The following MRM2 variants were observed in gnomAD, a reference collection of about 807,000 sequenced individuals.
MRM2 encodes the protein rRNA methyltransferase 2, mitochondrial.
A neutral mutation model predicts 10.9 loss-of-function variants in MRM2; 15 were observed. That is an observed-to-expected ratio of 1.37 (90% CI 0.92 to 2.11). The LOEUF is 2.11. MRM2 is among the 30% of genes most tolerant of loss of function. The pLI, the probability that MRM2 is intolerant of heterozygous loss-of-function variation, is 0.00. For synonymous variants in MRM2, 139 were observed against 128.7 expected, an observed-to-expected ratio of 1.08 and a Z score of -0.54; for missense variants, 328 against 321.3, an observed-to-expected ratio of 1.02 and a Z score of -0.16.
intron 2 of MRM2, 57 bp downstream of exon 2, chr7:2,239,361 C>A: frequency 1.3e-6 from 2 of 1,534,772 alleles, no homozygotes; most frequent in Non-Finnish European, 1.8e-6. Flanking sequence ...GCAGCTTGCC[C>A]ATGCCCACTC....
At chr7:2,241,914 A>T (rs749046647) in intron 1 of MRM2, 139 of 456,488 alleles carry the variant, frequency 3.0e-4, no homozygotes, top group Non-Finnish European at 1.4e-4. Flanking sequence ...TGCGCCCCCC[A>T]CCTGGACTCC....
Position 2,235,454 on chromosome 7 carries a change from G to C in MRM2, c.409C>G (p.Gln137Glu). 6.2e-7 allele frequency: 1 copy of C among 1,614,000 alleles called. No individual in the cohort carries two copies. The highest frequency in any genetic ancestry group is 8.5e-7 in the Non-Finnish European group (1 of 1,179,960). ...CCAGGAAGCACCTCGAGGATTCTCT[G>C]TGAGGTTCTCGGGTCAGTCACGTCA... is the stretch of plus-strand genomic sequence containing the variant. ...PADVTDPRTS[Q>E]RILEVLPGRR... Residue 137 changes from glutamine to glutamate, a missense_variant, in exon 3 of 3, where the codon CAG becomes GAG. Physicochemically the swap from Gln to Glu is conservative, Grantham distance 29 (BLOSUM62 2). Transcript: ENST00000242257.
chr7:2,239,586 C>G lies in MRM2; in HGVS notation c.130G>C (p.Val44Leu), dbSNP rs776716401. ...WLTRHLRDPF[V>L]KAAKVESYRC... ...TAACTCTCCACCTTCGCAGCCTTCA[C>G]AAATGGGTCCCTGAGATGTCGGGTC... Residue 44 changes from valine (V) to leucine (L), a missense_variant, in exon 2 of 3, where the codon GTG becomes CTG. Val to Leu is a conservative substitution (Grantham distance 32, BLOSUM62 1). Transcript: ENST00000242257. 1 of 1,614,138 alleles carries G rather than the reference C, an allele frequency of 6.2e-7. No individual in the cohort carries two copies. Among genetic ancestry groups the G allele is most frequent in the Non-Finnish European group, 8.5e-7 (1 of 1,180,042 alleles).
At chr7:2,239,042 A>C in intron 2 of MRM2, 4 of 477,338 alleles carry the variant, frequency 8.4e-6, no homozygotes, top group Non-Finnish European at 1.6e-5. Context: ...ACATATATGT[A>C]TGTATCATTA....
rs985505736 is a variant in MRM2 at position 2,237,338 on chromosome 7, T to C, written c.299-1774A>G. Among the ~76,000 whole-genome samples, 10 of 152,208 alleles carry C rather than the reference T, an allele frequency of 6.6e-5. No homozygotes were observed. In the South Asian group the frequency reaches 1.7e-3, roughly 25 times the overall value. ...TGCTCCTGAGCTTTCACTCCTATAA[T>C]ATCCAGTATGTTACAACCTTCGGAA... is the stretch of plus-strand genomic sequence containing the variant. On this transcript the variant is annotated intron_variant, in intron 2 of 2. Coordinates refer to ENST00000242257, the MANE Select transcript of MRM2 (RefSeq NM_013393.3).
rs765231837 is a variant in MRM2 at position 2,239,540 on chromosome 7, T to C, written c.176A>G (p.Lys59Arg). 7.4e-6 allele frequency: 12 copies of C among 1,614,048 alleles called. No individual in the cohort carries two copies. The highest frequency in any genetic ancestry group is 1.1e-5 in the South Asian group (1 of 91,086). Residue 59 changes from lysine to arginine, a missense_variant, in exon 2 of 3, where the codon AAG (lysine) becomes AGG (arginine). Physicochemically the swap from Lys to Arg is conservative, Grantham distance 26. Coordinates refer to ENST00000242257, the MANE Select transcript of MRM2 (RefSeq NM_013393.3). ...GTGCCTCTCGTTCACCTCCAGGAGC[T>C]TGAAGGCGCTTCGACACCGGTAACT... The part of the protein sequence containing the change: ...VESYRCRSAF[K>R]LLEVNERHQI...
In MRM2 at chr7:2,242,148, A is replaced by T; in HGVS notation, c.8+14T>A. ...TCCCGCTGTCTGCACGCGCAGCAGC[A>T]GCGCCCAGCTCACCCCGCCATTGGT... On this transcript the variant is annotated intron_variant, in intron 1 of 2. Coordinates refer to ENST00000242257, the MANE Select transcript of MRM2 (RefSeq NM_013393.3). 6.3e-7 allele frequency: 1 copy of T among 1,583,058 alleles called. No homozygotes were observed. The highest frequency in any genetic ancestry group is 8.6e-7 in the Non-Finnish European group (1 of 1,168,672).
In MRM2 at chr7:2,239,184, C is replaced by A. The variant is rs775069073; in HGVS notation, c.298+234G>T. ...ACCACCATGCTGGTGCTGGTACCTGCGGGCGGTCTCATGCGAGGTGATTTC... is the reference window on the plus strand; with the variant it reads ...ACCACCATGCTGGTGCTGGTACCTGAGGGCGGTCTCATGCGAGGTGATTTC... On this transcript the variant is annotated intron_variant, in intron 2 of 2. Transcript: ENST00000242257. 3 of 780,144 alleles carry A rather than the reference C, an allele frequency of 3.8e-6. No homozygotes were observed. The African/African-American group carries it at 5.1e-5, about 13-fold the overall frequency. 48.3% of individuals were successfully genotyped at this position (780,144 alleles called of 1,614,324 possible).
In MRM2 at chr7:2,235,098, T is replaced by G; in HGVS notation, c.*24A>C. On this transcript the variant is annotated 3_prime_UTR_variant, in exon 3 of 3. Transcript: ENST00000242257. Reference sequence around the variant, plus strand: ...CTAGCTTAAAAGGAGCTAATGACCATTATGAAAATGGCACAAGAAATCCTC... The same window carrying G: ...CTAGCTTAAAAGGAGCTAATGACCAGTATGAAAATGGCACAAGAAATCCTC... 6.3e-7 allele frequency: 1 copy of G among 1,576,544 alleles called. No individual in the cohort carries two copies. Among genetic ancestry groups the G allele is most frequent in the Non-Finnish European group, 8.7e-7 (1 of 1,148,510 alleles).
intron 2 of MRM2, among the ~76,000 whole-genome samples, chr7:2,236,117 C>G (rs956715787): frequency 4.6e-5 from 7 of 152,170 alleles, no homozygotes; most frequent in African/African-American, 1.7e-4. Flanking sequence ...GTAATCCCAG[C>G]TACTCGGGAG....
At chr7:2,240,878 G>T (rs1168083866) in intron 1 of MRM2, among the ~76,000 whole-genome samples, 1 of 152,144 alleles carries the variant, frequency 6.6e-6, no homozygotes, top group Admixed American at 6.5e-5. Context: ...TGTATTTTCA[G>T]TATAGATGGG....
At chr7:2,239,777 C>T in intron 1 of MRM2, 70 bp from the exon 2 acceptor site, 1 of 1,355,770 alleles carries the variant, frequency 7.4e-7, no homozygotes, top group Non-Finnish European at 1.0e-6. Flanking sequence ...TGGGAGGGCC[C>T]TCGGATCAAC....
Position 2,239,486 on chromosome 7 carries a change from A to G in MRM2, c.230T>C (p.Leu77Ser). 6.2e-7 allele frequency: 1 copy of G among 1,613,856 alleles called. No individual in the cohort carries two copies. The highest frequency in any genetic ancestry group is 1.3e-5 in the African/African-American group (1 of 75,038). Residue 77 changes from leucine (L) to serine (S), a missense_variant, in exon 2 of 3, where the codon TTA (leucine) becomes TCA (serine). By Grantham distance (145) the Leu-to-Ser change is moderately radical. Coordinates refer to ENST00000242257, the MANE Select transcript of MRM2 (RefSeq NM_013393.3). ...GGCCCCAGGAGCTGCCCCACAGTCT[A>G]ACACCCGAAGGCCGGGCCGCAGAAT... is the stretch of plus-strand genomic sequence containing the variant. Reference protein sequence around the residue: ...HQILRPGLRVLDCGAAPGAWS... With the variant: ...HQILRPGLRVSDCGAAPGAWS...
intron 1 of MRM2, among the ~76,000 whole-genome samples, chr7:2,240,083 G>A (rs1338896023): frequency 6.6e-5 from 10 of 152,098 alleles, no homozygotes; most frequent in African/African-American, 9.7e-5. Flanking sequence ...TTAGCCTGGC[G>A]TGGTGGCAGA....
Position 2,242,177 on chromosome 7 carries a change from C to G in MRM2, c.-8G>C, listed in dbSNP as rs766905592. On this transcript the variant is annotated 5_prime_UTR_variant, in exon 1 of 3. Coordinates refer to ENST00000242257, the MANE Select transcript of MRM2 (RefSeq NM_013393.3). ...CCCAGCTCACCCCGCCATTGGTGTT[C>G]CCCGCGCCTGCAGCGCGCCGCCGGA... 3.8e-6 allele frequency: 6 copies of G among 1,585,132 alleles called. No homozygotes were observed. The South Asian group carries it at 4.5e-5, about 12-fold the overall frequency.
chr7:2,240,568 T>C (rs1305596739), intron 1 of MRM2, among the ~76,000 whole-genome samples: 2 of 152,108 alleles, frequency 1.3e-5, no homozygotes, highest in Non-Finnish European at 2.9e-5. Flanking sequence ...TGAAGGACAA[T>C]TTCCAAGATT....
At position 2,239,622 on chromosome 7, in the gene MRM2, G is replaced by A. The variant is rs1794485614; in HGVS notation, c.94C>T (p.His32Tyr). ...CTGAGATGTCGGGTCAGCCACAGGT[G>A]CTCAGCGCCTGTCCGATTCTTGCAG... ...SRCKNRTGAE[H>Y]LWLTRHLRDP... The change falls in exon 2 of 3, where the codon CAC becomes TAC. Residue 32 changes from histidine to tyrosine, a missense_variant. Transcript: ENST00000242257. 2 of 1,614,068 alleles carry A rather than the reference G, an allele frequency of 1.2e-6. No homozygotes were observed. Among genetic ancestry groups the A allele is most frequent in the Non-Finnish European group, 1.7e-6 (2 of 1,179,982 alleles).
chr7:2,241,783 C>T (rs1300286538), intron 1 of MRM2, among the ~76,000 whole-genome samples: 1 of 152,238 alleles, frequency 6.6e-6, no homozygotes, highest in Non-Finnish European at 1.5e-5. Flanking sequence ...TGGCACAAGC[C>T]GGTCCCGGGG....
intron 1 of MRM2, chr7:2,241,875 C>A (rs1794550962): frequency 2.4e-6 from 1 of 414,034 alleles, no homozygotes; most frequent in South Asian, 5.5e-5. Context: ...CGGGCTCGCC[C>A]CCGGCGCCTT....
Sources: gnomAD v4.1 joint callset for allele counts (sites outside exome capture counted in the v4.1 genomes callset) on GRCh38, gnomAD v4.1.1 for gene constraint, MANE v1.5 for transcripts, NCBI Gene and HGNC (gene_info 2026-07-23, HGNC 2026-07-21) for gene names.